N4BP2: variants seen among roughly 807,000 people sequenced by gnomAD.
N4BP2 encodes NEDD4 binding protein 2.
N4BP2 carries 91 observed loss-of-function variants against 152.8 expected under a neutral mutation model. The observed-to-expected ratio is 0.60, with a 90% CI of 0.50 to 0.71. The LOEUF (loss-of-function observed/expected upper bound fraction) is 0.71. N4BP2 is among the 30% of genes least tolerant of loss of function. The probability of loss-of-function intolerance (pLI) is 0.00; values close to 1 mark genes in which losing one functional copy is unlikely to be tolerated. For synonymous variants in N4BP2, 646 were observed against 705.3 expected, an observed-to-expected ratio of 0.92 and a Z score of 1.33; for missense variants, 1,923 against 2,059.1, an observed-to-expected ratio of 0.93 and a Z score of 1.28.
chr4:40,141,894 C>T (rs561468563), intron 14 of N4BP2, among the ~76,000 whole-genome samples: 11 of 152,278 alleles, frequency 7.2e-5, no homozygotes, highest in South Asian at 2.1e-4. Context: ...GAGACCAGCC[C>T]GGCCAACACA....
At chr4:40,143,007 GAA>G (rs1487735947) in intron 15 of N4BP2, 146 bp downstream of exon 15, 2 of 657,744 alleles carry the variant, frequency 3.0e-6, no homozygotes, top group Non-Finnish European at 2.6e-6. Context: ...GGTATCCTAA[GAA>G]ATGTATGGTT....
intron 11 of N4BP2, among the ~76,000 whole-genome samples, chr4:40,125,524 T>C (rs1718307560): frequency 6.6e-6 from 1 of 152,226 alleles, no homozygotes; most frequent in South Asian, 2.1e-4. Flanking sequence ...GTGTCCTGTA[T>C]ACATGTCACT....
downstream of N4BP2, among the ~76,000 whole-genome samples, chr4:40,159,156 C>G (rs1560658820): frequency 6.6e-6 from 1 of 152,178 alleles, no homozygotes; most frequent in African/African-American, 2.4e-5. Flanking sequence ...GAACCACATT[C>G]TCTGACTCCT....
intron 14 of N4BP2, 48 bp downstream of exon 14, chr4:40,137,130 A>G (rs746794287): frequency 2.8e-6 from 4 of 1,421,056 alleles, no homozygotes; most frequent in Admixed American, 2.1e-5. Flanking sequence ...AATTGCATAT[A>G]AAAATATAAT....
At chr4:40,082,803 C>G (rs1358324031) in intron 2 of N4BP2, among the ~76,000 whole-genome samples, 3 of 151,960 alleles carry the variant, frequency 2.0e-5, no homozygotes, top group Non-Finnish European at 2.9e-5. Context: ...CGGGTTCACG[C>G]CATTCTCCTG....
At chr4:40,092,244 G>T (rs1268535605) in intron 2 of N4BP2, among the ~76,000 whole-genome samples, 1 of 150,080 alleles carries the variant, frequency 6.7e-6, no homozygotes, top group Non-Finnish European at 1.5e-5. Context: ...TCCTAAAAAT[G>T]TTTGTTAGAA....
At chr4:40,171,759 C>T in the N4BP2 span, among the ~76,000 whole-genome samples, 1 of 152,150 alleles carries the variant, frequency 6.6e-6, no homozygotes, top group South Asian at 2.1e-4. Context: ...AGTCGAGTTC[C>T]AAAACCTCAA....
intron 1 of N4BP2, among the ~76,000 whole-genome samples, chr4:40,068,339 T>A (rs560758490): frequency 9.5e-4 from 144 of 152,352 alleles, no homozygotes; most frequent in African/African-American, 3.2e-3. Flanking sequence ...ATTTTGTCTA[T>A]TTTTGCTTTT....
rs149056042 is a variant in N4BP2, at chr4:40,083,052, C to T, written c.-115+9501C>T. 535 of 265,838 alleles carry T rather than the reference C, an allele frequency of 2.0e-3. 6 individuals carry two copies. The highest frequency in any genetic ancestry group is 9.6e-3 in the African/African-American group (427 of 44,616). The allele number at this position is 265,838 out of a possible 1,614,324, so 16.5% of individuals were successfully genotyped here. A position where few individuals can be genotyped will look rare whatever the true frequency, so the allele number is the denominator to read the frequency against. On this transcript the variant is annotated intron_variant, in intron 2 of 17. Transcript: ENST00000261435. ...GAAAGAGGAGATAGAGTAAACCTAC[C>T]CCGTATACTTCAGCCCACGCCCTGT...
rs1324550012 is a variant in N4BP2, at chr4:40,147,625, G to A, written c.5143+2825G>A. Among the ~76,000 whole-genome samples, 55 of 148,614 alleles carry A rather than the reference G, an allele frequency of 3.7e-4. No homozygotes were observed. In the South Asian group the frequency reaches 4.8e-3, roughly 13 times the overall value. ...TCCCTCCCGGACGGGGCGGCTGGCC[G>A]GGCGGGGGCTGACCCCCCACCTCCC... is the stretch of plus-strand genomic sequence containing the variant. On this transcript the variant is annotated intron_variant, in intron 16 of 17. Transcript: ENST00000261435.
chr4:40,080,477 C>T (rs1448223101), intron 2 of N4BP2, among the ~76,000 whole-genome samples: 2 of 151,522 alleles, frequency 1.3e-5, no homozygotes, highest in Non-Finnish European at 2.9e-5. Context: ...TCTGGGACTA[C>T]AGGTACGTGC....
At chr4:40,113,236 T>G (rs1167027570) in intron 6 of N4BP2, among the ~76,000 whole-genome samples, 196 bp from the exon 7 acceptor site, 1 of 152,202 alleles carries the variant, frequency 6.6e-6, no homozygotes, top group Non-Finnish European at 1.5e-5. Flanking sequence ...AAATAAATGC[T>G]CTTATATAAG....
At chr4:40,059,230 A>C (rs992644031) in intron 1 of N4BP2, among the ~76,000 whole-genome samples, 1 of 151,070 alleles carries the variant, frequency 6.6e-6, no homozygotes, top group Non-Finnish European at 1.5e-5. Flanking sequence ...TTATTAGTTA[A>C]TGAATTTCAG....
intron 13 of N4BP2, among the ~76,000 whole-genome samples, chr4:40,136,575 C>A (rs906229459): frequency 6.6e-6 from 1 of 152,048 alleles, no homozygotes; most frequent in South Asian, 2.1e-4. Context: ...TTTGTAGAGA[C>A]GGGGTTTCAC....
chr4:40,144,895 T>G lies in N4BP2; in HGVS notation c.5143+95T>G. The G allele has an allele frequency of 7.7e-6, 7 of 906,114 alleles. No homozygotes were observed. The South Asian group carries it at 1.0e-4, about 13-fold the overall frequency. The allele number at this position is 906,114 out of a possible 1,614,324, so 56.1% of individuals were successfully genotyped here. ...TTCAGGAGAGTCTGAATATGCAGGC[T>G]GAGAATATCTGTGTAACATCTGTAA... On this transcript the variant is annotated intron_variant, in intron 16 of 17. Coordinates refer to ENST00000261435, the MANE Select transcript of N4BP2 (RefSeq NM_018177.6).
At chr4:40,104,063 C>T (rs1431075897) in intron 4 of N4BP2, among the ~76,000 whole-genome samples, 2 of 152,030 alleles carry the variant, frequency 1.3e-5, no homozygotes, top group African/African-American at 4.8e-5. Context: ...CATGCCATTC[C>T]TGCCTCAGCC....
intron 13 of N4BP2, among the ~76,000 whole-genome samples, chr4:40,134,480 C>G (rs184169137): frequency 6.6e-6 from 1 of 152,272 alleles, no homozygotes; most frequent in African/African-American, 2.4e-5. Flanking sequence ...CTGGCTGATT[C>G]TCTCAGCTAG....
chr4:40,141,215 G>A (rs1401079480), intron 14 of N4BP2, among the ~76,000 whole-genome samples: 1 of 137,168 alleles, frequency 7.3e-6, no homozygotes, highest in East Asian at 2.3e-4. Context: ...GGCCTGGCGG[G>A]GGGCTGACCC....
In N4BP2 at chr4:40,131,815, T is replaced by C; in HGVS notation, c.4542T>C (p.Leu1514=). ...TTTTGTTTTAGAAAAGGGAGACCCT[T>C]ATGTTTGAAAAAGATTGTGCCACTA... ...QEKHNLKRET[L]MFEKDCATKL... Residue 1514 remains leucine (L), a synonymous_variant, in exon 13 of 18, where the codon CTT becomes CTC. Transcript: ENST00000261435. 1.2e-6 allele frequency: 2 copies of C among 1,612,862 alleles called. No individual in the cohort carries two copies. The highest frequency in any genetic ancestry group is 1.7e-6 in the Non-Finnish European group (2 of 1,179,158).
Sources: gnomAD v4.1 joint callset for allele counts (sites outside exome capture counted in the v4.1 genomes callset) on GRCh38, gnomAD v4.1.1 for gene constraint, MANE v1.5 for transcripts, NCBI Gene and HGNC (gene_info 2026-07-23, HGNC 2026-07-21) for gene names.